Variants in ATP10B observed in about 807,000 individuals in gnomAD.
ATP10B encodes the protein ATPase phospholipid transporting 10B (putative), also known as phospholipid-transporting ATPase VB.
Under a neutral mutation model 141.2 loss-of-function variants are expected in ATP10B, and 122 were observed. The observed-to-expected ratio is 0.86, with a 90% CI of 0.75 to 1.00. The LOEUF is 1.00. ATP10B is among the 50% of genes least tolerant of loss of function. The probability of loss-of-function intolerance (pLI) is 0.00; values close to 1 mark genes in which losing one functional copy is unlikely to be tolerated. For synonymous variants in ATP10B, 685 were observed against 692.0 expected, an observed-to-expected ratio of 0.99 and a Z score of 0.16; for missense variants, 1,876 against 1,825.3, an observed-to-expected ratio of 1.03 and a Z score of -0.51.
chr5:160,622,598 G>T lies in ATP10B; in HGVS notation c.1621-13C>A, dbSNP rs767527049. ...TTACATCTTTTTCCTGGAAGAGAAA[G>T]GCCAGAATGAGAGTCTTTTCTGGGA... On this transcript the variant is annotated splice_polypyrimidine_tract_variant and intron_variant, in intron 13 of 25. Transcript: ENST00000327245. The T allele has an allele frequency of 1.2e-6, 2 of 1,604,296 alleles. No homozygotes were observed. The highest frequency in any genetic ancestry group is 1.3e-5 in the African/African-American group (1 of 74,396).
At chr5:160,591,438 G>T (rs1481635023) in intron 22 of ATP10B, among the ~76,000 whole-genome samples, 1 of 152,182 alleles carries the variant, frequency 6.6e-6, no homozygotes, top group Non-Finnish European at 1.5e-5. Flanking sequence ...ATGCAATTGT[G>T]CCTACCTAGT....
intron 17 of ATP10B, 136 bp from the exon 18 acceptor site, chr5:160,613,061 G>A (rs2127639423): frequency 2.6e-6 from 2 of 782,956 alleles, no homozygotes; most frequent in East Asian, 2.7e-5. Context: ...GGATATAACA[G>A]TGAACTAGAT....
the ATP10B span, among the ~76,000 whole-genome samples, chr5:160,925,624 C>A: frequency 6.6e-6 from 1 of 152,156 alleles, no homozygotes; most frequent in Non-Finnish European, 1.5e-5. Context: ...TTATTAATTC[C>A]TCGCATGGGA....
chr5:160,599,315 A>G (rs1287074254), intron 21 of ATP10B, among the ~76,000 whole-genome samples: 1 of 152,212 alleles, frequency 6.6e-6, no homozygotes, highest in African/African-American at 2.4e-5. Context: ...GCTTAATTCA[A>G]CATCACATTT....
At chr5:160,652,442 T>G (rs200219614) in intron 7 of ATP10B, among the ~76,000 whole-genome samples, 2 of 15,920 alleles carry the variant, frequency 1.3e-4, no homozygotes, top group African/African-American at 2.4e-4. Flanking sequence ...TATTTATTTA[T>G]TTATTTATTT....
At chr5:160,820,506 A>G (rs114338177) in intron 1 of ATP10B, among the ~76,000 whole-genome samples, 1,787 of 152,286 alleles carry the variant, frequency 0.012, 33 homozygotes, top group Non-Finnish European at 0.013. Context: ...ATTCTGAAAA[A>G]TAGAGGAGGA....
chr5:160,835,386 G>T (rs1775357733), intron 1 of ATP10B, among the ~76,000 whole-genome samples: 1 of 152,056 alleles, frequency 6.6e-6, no homozygotes, highest in Non-Finnish European at 1.5e-5. Flanking sequence ...CAGGGGAGAG[G>T]GGAGTAGAAA....
At chr5:160,841,503 G>A (rs2127986945) in intron 1 of ATP10B, among the ~76,000 whole-genome samples, 1 of 152,160 alleles carries the variant, frequency 6.6e-6, no homozygotes, top group South Asian at 2.1e-4. Flanking sequence ...ATATGTTTTT[G>A]TATAATTTTG....
the ATP10B span, among the ~76,000 whole-genome samples, chr5:160,898,092 G>A: frequency 0.46 from 70,088 of 151,306 alleles, 17,262 homozygotes; most frequent in Non-Finnish European, 0.54. Flanking sequence ...AAACTAAAAG[G>A]TAATAGCATT....
intron 2 of ATP10B, among the ~76,000 whole-genome samples, chr5:160,774,423 T>A (rs1770133744): frequency 6.6e-6 from 1 of 152,228 alleles, no homozygotes; most frequent in African/African-American, 2.4e-5. Context: ...TCTCAATCTT[T>A]CTTGATATTC....
intron 1 of ATP10B, among the ~76,000 whole-genome samples, chr5:160,834,872 G>C (rs1775321284): frequency 6.6e-6 from 1 of 152,126 alleles, no homozygotes; most frequent in African/African-American, 2.4e-5. Context: ...TTAAGGTGCT[G>C]TCCAGAATGA....
At chr5:160,915,020 A>G in the ATP10B span, among the ~76,000 whole-genome samples, 1 of 152,226 alleles carries the variant, frequency 6.6e-6, no homozygotes, top group Non-Finnish European at 1.5e-5. Flanking sequence ...GTGGGATTTT[A>G]TAAAGACCAT....
At chr5:160,806,142 C>T (rs1199058094) in intron 1 of ATP10B, among the ~76,000 whole-genome samples, 1 of 152,208 alleles carries the variant, frequency 6.6e-6, no homozygotes, top group Admixed American at 6.5e-5. Flanking sequence ...CTCTGTCCAC[C>T]AGTTCAAATG....
intron 2 of ATP10B, among the ~76,000 whole-genome samples, chr5:160,736,548 G>C (rs1767123500): frequency 6.6e-6 from 1 of 152,172 alleles, no homozygotes; most frequent in African/African-American, 2.4e-5. Flanking sequence ...AGGATCATGA[G>C]GTCAGGAGTT....
At chr5:160,880,271 A>G in the ATP10B span, among the ~76,000 whole-genome samples, 1 of 147,226 alleles carries the variant, frequency 6.8e-6, no homozygotes, top group Non-Finnish European at 1.5e-5. Context: ...ATTATATAAT[A>G]TAAAAGAAAC....
rs779314146 is a variant in ATP10B at position 160,804,334 on chromosome 5, G to C, written c.-575-18531C>G. ...ATAAATAGATGAACTATGTTGTACT[G>C]TTTTGTTCATCATTTGTTCCTCAGT... On this transcript the variant is annotated intron_variant, in intron 1 of 25. Transcript: ENST00000327245. Among the ~76,000 whole-genome samples the C allele has an allele frequency of 3.3e-5, 5 of 152,160 alleles. No homozygotes were observed. In the East Asian group the frequency reaches 9.6e-4, roughly 29 times the overall value.
At chr5:160,618,602 T>C (rs375519422) in intron 15 of ATP10B, among the ~76,000 whole-genome samples, 4 of 152,366 alleles carry the variant, frequency 2.6e-5, no homozygotes, top group East Asian at 3.9e-4. Context: ...GAATGTAGTA[T>C]GAAAAATATG....
Position 160,615,948 on chromosome 5 carries a change from T to C in ATP10B, c.2543A>G (p.Asp848Gly). 1 of 1,613,832 alleles carries C rather than the reference T, an allele frequency of 6.2e-7. No individual in the cohort carries two copies. The highest frequency in any genetic ancestry group is 8.5e-7 in the Non-Finnish European group (1 of 1,179,756). ...CCGGAAACTGGCCCATCTCCGGAAG[T>C]CCTCTTCGCTTACAACCTATGGGAT... ...CIAKKVVSEEDFRRWASFRRE... is the reference protein window; with the variant it reads ...CIAKKVVSEEGFRRWASFRRE... Residue 848 changes from aspartate (D) to glycine (G), a missense_variant, in exon 17 of 26, where the codon GAC (aspartate) becomes GGC (glycine). Coordinates refer to ENST00000327245, the MANE Select transcript of ATP10B (RefSeq NM_025153.3).
At chr5:160,760,130 T>A (rs577727496) in intron 2 of ATP10B, among the ~76,000 whole-genome samples, 1 of 152,292 alleles carries the variant, frequency 6.6e-6, no homozygotes, top group African/African-American at 2.4e-5. Flanking sequence ...TCAAATTTCA[T>A]CCTATAATAG....
Sources: allele counts gnomAD v4.1 joint callset (sites outside exome capture counted in the v4.1 genomes callset), GRCh38; gene constraint gnomAD v4.1.1; transcripts MANE v1.5; gene names NCBI Gene and HGNC (gene_info 2026-07-23, HGNC 2026-07-21).